The following CRB2 variants were observed in gnomAD, a reference collection of about 807,000 sequenced individuals.
CRB2 encodes the protein crumbs cell polarity complex component 2.
Under a neutral mutation model 110.9 loss-of-function variants are expected in CRB2, and 85 were observed. The observed-to-expected ratio is 0.77, with a 90% CI of 0.64 to 0.92. CRB2 has a LOEUF of 0.92. CRB2 is among the 40% of genes least tolerant of loss of function. The pLI is 0.00. For synonymous variants in CRB2, 907 were observed against 831.0 expected, an observed-to-expected ratio of 1.09 and a Z score of -1.57; for missense variants, 1,843 against 1,851.3, an observed-to-expected ratio of 1.00 and a Z score of 0.08.
In CRB2 at chr9:123,367,625, C is replaced by T. The variant is rs10818812; in HGVS notation, c.993C>T (p.Asn331=). ...VDECASRPCL[N]GGHCQDLPNG... ...AGTGTGCCTCACGGCCATGCCTCAA[C>T]GGAGGCCACTGCCAGGACCTGCCCA... The change falls in exon 6 of 13, where the codon AAC becomes AAT. Residue 331 remains asparagine, a synonymous_variant. Coordinates refer to ENST00000373631, the MANE Select transcript of CRB2 (RefSeq NM_173689.7). The T allele has an allele frequency of 0.37, 585,912 of 1,569,214 alleles. 113,495 individuals are homozygous for T. Among genetic ancestry groups the T allele is most frequent in the Non-Finnish European group, 0.4 (464,138 of 1,157,848 alleles).
chr9:123,357,142 C>T (rs2041809349), intron 1 of CRB2, among the ~76,000 whole-genome samples: 1 of 152,080 alleles, frequency 6.6e-6, no homozygotes, highest in Non-Finnish European at 1.5e-5. Flanking sequence ...CTGCTGCCCC[C>T]TCCCCAGCAT....
Position 123,370,958 on chromosome 9 carries a change from T to C in CRB2, c.1905T>C (p.His635=). 6.2e-7 allele frequency: 1 copy of C among 1,608,026 alleles called. No individual in the cohort carries two copies. Among genetic ancestry groups the C allele is most frequent in the Non-Finnish European group, 8.5e-7 (1 of 1,176,076 alleles). Reference sequence around the variant, plus strand: ...TCCGTTGCGACTGTGCCCGGCCCCATAGAGGTCCCACGTGCGCTGATGGTG... The same window carrying C: ...TCCGTTGCGACTGTGCCCGGCCCCACAGAGGTCCCACGTGCGCTGATGGTG... ...THFRCDCARP[H]RGPTCADEIP... is the part of the protein sequence containing the mutation. Residue 635 remains histidine, a synonymous_variant, in exon 7 of 13, where the codon CAT becomes CAC. Transcript: ENST00000373631.
At position 123,373,233 on chromosome 9, in the gene CRB2, G is replaced by A. The variant is rs1323020848; in HGVS notation, c.2702G>A (p.Arg901His). The A allele has an allele frequency of 2.7e-6, 4 of 1,505,974 alleles. No homozygotes were observed. The highest frequency in any genetic ancestry group is 2.5e-5 in the South Asian group (2 of 81,444). 93.3% of individuals were successfully genotyped at this position (1,505,974 alleles called of 1,614,324 possible). A position where few individuals can be genotyped will look rare whatever the true frequency, so the allele number is the denominator to read the frequency against. Residue 901 changes from arginine to histidine, a missense_variant, in exon 10 of 13, where the codon CGC (arginine) becomes CAC (histidine). Physicochemically the swap from Arg to His is conservative, Grantham distance 29. Transcript: ENST00000373631. Reference protein sequence around the residue: ...RLLGGLSLAFRTRDSEAWLLR... With the variant: ...RLLGGLSLAFHTRDSEAWLLR... ...CTCGGCGGCCTGTCGCTGGCCTTTCGCACGCGCGACTCCGAGGCCTGGCTG... is the reference window on the plus strand; with the variant it reads ...CTCGGCGGCCTGTCGCTGGCCTTTCACACGCGCGACTCCGAGGCCTGGCTG...
In CRB2 at chr9:123,373,667, G is replaced by C. The variant is rs746742167; in HGVS notation, c.3136G>C (p.Gly1046Arg). ...CCGAGAGCACTTCGCGTCTTGGCCT[G>C]GGACGCCGGCCCCGATCCTCGGCTG... is the stretch of plus-strand genomic sequence containing the variant. ...GAREHFASWPGTPAPILGCRG... is the reference protein window; with the variant it reads ...GAREHFASWPRTPAPILGCRG... Residue 1046 changes from glycine (G) to arginine (R), a missense_variant, in exon 10 of 13, where the codon GGG becomes CGG. Physicochemically the swap from Gly to Arg is moderately radical, Grantham distance 125 (BLOSUM62 -2). Coordinates refer to ENST00000373631, the MANE Select transcript of CRB2 (RefSeq NM_173689.7). The C allele has an allele frequency of 2.8e-6, 4 of 1,441,856 alleles. No individual in the cohort carries two copies. Among genetic ancestry groups the C allele is most frequent in the Non-Finnish European group, 3.6e-6 (4 of 1,105,872 alleles). 89.3% of individuals were successfully genotyped at this position (1,441,856 alleles called of 1,614,324 possible).
In CRB2 at chr9:123,377,133, C is replaced by T. The variant is rs573498737; in HGVS notation, c.*71C>T. On this transcript the variant is annotated 3_prime_UTR_variant, in exon 13 of 13. Transcript: ENST00000373631. ...TCTACCTGGAGACCCAAGGAAGCTG[C>T]TTCCAGGGCTCGGGACATTGCTACG... 2 of 1,344,312 alleles carry T rather than the reference C, an allele frequency of 1.5e-6. No homozygotes were observed. Among genetic ancestry groups the T allele is most frequent in the African/African-American group, 2.9e-5 (2 of 68,228 alleles). The allele number at this position is 1,344,312 out of a possible 1,614,324, so 83.3% of individuals were successfully genotyped here.
At chr9:123,379,508 C>G (rs1486574879), downstream of CRB2, 1 of 152,346 alleles carries the variant, frequency 6.6e-6, no homozygotes, top group African/African-American at 2.4e-5. Flanking sequence ...TGAGTGGGCA[C>G]CGGCTTGGGA....
intron 1 of CRB2, among the ~76,000 whole-genome samples, chr9:123,360,855 C>T (rs2041858760): frequency 6.6e-6 from 1 of 152,142 alleles, no homozygotes; most frequent in African/African-American, 2.4e-5. Flanking sequence ...AGATGGCTGT[C>T]CCTCCCAGGC....
chr9:123,372,547 G>A (rs1274261137), intron 9 of CRB2, among the ~76,000 whole-genome samples: 3 of 152,252 alleles, frequency 2.0e-5, no homozygotes, highest in Non-Finnish European at 4.4e-5. Context: ...GACTCTGAGA[G>A]CCACAGGGGG....
In CRB2 at chr9:123,373,504, T is replaced by C; in HGVS notation, c.2973T>C (p.Ser991=). The C allele has an allele frequency of 2.0e-6, 3 of 1,465,134 alleles. No individual in the cohort carries two copies. Among genetic ancestry groups the C allele is most frequent in the East Asian group, 2.9e-5 (1 of 34,506 alleles). The allele number at this position is 1,465,134 out of a possible 1,614,324, so 90.8% of individuals were successfully genotyped here. The part of the protein sequence containing the change: ...ATPVALRGLA[S]DLGFLQGPGA... ...CGGTGGCGCTGCGCGGCCTGGCCAG[T>C]GACCTGGGCTTCCTGCAGGGCCCGG... Residue 991 remains serine, a synonymous_variant, in exon 10 of 13, where the codon AGT becomes AGC. Coordinates refer to ENST00000373631, the MANE Select transcript of CRB2 (RefSeq NM_173689.7).
At chr9:123,359,441 GTTTTTTTTTTTTTT>G (rs375773781) in intron 1 of CRB2, among the ~76,000 whole-genome samples, 2 of 94,430 alleles carry the variant, frequency 2.1e-5, no homozygotes, top group East Asian at 3.0e-4. Context: ...TTTTTGTTTT[GTTTTTTTTTTTTTT>G]TTTTTTTTTT....
In CRB2 at chr9:123,367,128, C is replaced by T. The variant is rs373129687; in HGVS notation, c.755-44C>T. ...CTGGTCATAGTGAAGAGGTGCTGCC[C>T]GGCAACCCCGTGAGACCTGATGTCC... is the stretch of plus-strand genomic sequence containing the variant. On this transcript the variant is annotated intron_variant, in intron 4 of 12. Transcript: ENST00000373631. 8.6e-6 allele frequency: 13 copies of T among 1,515,554 alleles called. No individual in the cohort carries two copies. The African/African-American group carries it at 1.1e-4, about 13-fold the overall frequency. The allele number at this position is 1,515,554 out of a possible 1,614,324, so 93.9% of individuals were successfully genotyped here.
intron 1 of CRB2, among the ~76,000 whole-genome samples, chr9:123,359,635 G>A (rs778977807): frequency 6.6e-6 from 1 of 151,666 alleles, no homozygotes; most frequent in South Asian, 2.1e-4. Flanking sequence ...TTTTCATAGA[G>A]CCAGCGTCTC....
chr9:123,360,600 T>C (rs2041856510), intron 1 of CRB2, among the ~76,000 whole-genome samples: 1 of 152,112 alleles, frequency 6.6e-6, no homozygotes, highest in Non-Finnish European at 1.5e-5. Flanking sequence ...CGATGCAGAT[T>C]CTCAGGCTCA....
intron 2 of CRB2, among the ~76,000 whole-genome samples, chr9:123,364,086 G>C (rs1420051220): frequency 6.6e-6 from 1 of 152,226 alleles, no homozygotes; most frequent in Non-Finnish European, 1.5e-5. Context: ...TTCCAGGGCA[G>C]GGGGCCTACA....
chr9:123,366,932 G>A (rs2041940613), intron 4 of CRB2, among the ~76,000 whole-genome samples: 1 of 126,210 alleles, frequency 7.9e-6, no homozygotes, highest in South Asian at 2.7e-4. Flanking sequence ...GCAACAGAGT[G>A]AGATTCTATC....
upstream of CRB2, chr9:123,356,051 A>C: frequency 2.4e-6 from 1 of 415,838 alleles, no homozygotes; most frequent in East Asian, 3.6e-5. Flanking sequence ...AGGGGGCTTG[A>C]GGACTTGGGG....
In CRB2 at chr9:123,363,145, C is replaced by A. The variant is rs770035011; in HGVS notation, c.375C>A (p.Asn125Lys). 8 of 1,610,800 alleles carry A rather than the reference C, an allele frequency of 5.0e-6. No homozygotes were observed. The Admixed American group carries it at 5.0e-5, about 10-fold the overall frequency. The change falls in exon 2 of 13, where the codon AAC (asparagine) becomes AAA (lysine). Residue 125 changes from asparagine to lysine, a missense_variant. Asn to Lys is a moderately conservative substitution (Grantham distance 94). Transcript: ENST00000373631. ...GCCACCATGGGGCCACCTGCCGCAA[C>A]CTGGCCGATCGCTACGAGTGCCATT... ...RPCHHGATCR[N>K]LADRYECHCP...
chr9:123,376,082 C>A (rs1254766238), intron 12 of CRB2, among the ~76,000 whole-genome samples: 1 of 104,300 alleles, frequency 9.6e-6, no homozygotes, highest in Non-Finnish European at 2.1e-5. Context: ...CCAGCCACCT[C>A]CCCAGGGCAG....
Position 123,370,599 on chromosome 9 carries a change from G to A in CRB2, c.1546G>A (p.Asp516Asn), listed in dbSNP as rs758548172. ...GAGACTGCCGGACCTGGCCCTAAAC[G>A]ATGGCCATTGGCACCAGGTGGAGGT... Reference protein sequence around the residue: ...VLRLPDLALNDGHWHQVEVVL... With the variant: ...VLRLPDLALNNGHWHQVEVVL... Residue 516 changes from aspartate (D) to asparagine (N), a missense_variant, in exon 7 of 13, where the codon GAT becomes AAT. Coordinates refer to ENST00000373631, the MANE Select transcript of CRB2 (RefSeq NM_173689.7). 16 of 1,612,630 alleles carry A rather than the reference G, an allele frequency of 9.9e-6. No homozygotes were observed. Among genetic ancestry groups the A allele is most frequent in the East Asian group, 6.7e-5 (3 of 44,898 alleles).
Sources: allele counts gnomAD v4.1 joint callset (sites outside exome capture counted in the v4.1 genomes callset), GRCh38; gene constraint gnomAD v4.1.1; transcripts MANE v1.5; gene names NCBI Gene and HGNC (gene_info 2026-07-23, HGNC 2026-07-21).